Variants in DPYD observed in about 807,000 individuals in gnomAD.
DPYD encodes dihydropyrimidine dehydrogenase.
DPYD carries 109 observed loss-of-function variants against 116.2 expected under a neutral mutation model. That is an observed-to-expected ratio of 0.94 (90% CI 0.80 to 1.10). The LOEUF (loss-of-function observed/expected upper bound fraction) is 1.10, where lower values mean the gene tolerates loss of function less well. Among genes scored for constraint, DPYD ranks in the 50% least tolerant of loss-of-function variants. The pLI is 0.00. For missense variants in DPYD, 1,302 were observed against 1,254.5 expected, an observed-to-expected ratio of 1.04 and a Z score of -0.57; for synonymous variants, 440 against 432.0, an observed-to-expected ratio of 1.02 and a Z score of -0.23.
intron 13 of DPYD, among the ~76,000 whole-genome samples, chr1:97,477,163 A>G (rs1391429834): frequency 1.3e-5 from 2 of 152,230 alleles, no homozygotes; most frequent in African/African-American, 4.8e-5. Context: ...GTAACATGCA[A>G]TGCTATTTGG....
At chr1:97,861,796 C>A (rs538857290) in intron 2 of DPYD, among the ~76,000 whole-genome samples, 13 of 151,918 alleles carry the variant, frequency 8.6e-5, no homozygotes, top group Admixed American at 1.3e-4. Context: ...GGAGACAATG[C>A]GGAAAGGGAT....
intron 18 of DPYD, among the ~76,000 whole-genome samples, chr1:97,248,202 C>T (rs190703932): frequency 6.6e-6 from 1 of 152,210 alleles, no homozygotes; most frequent in Non-Finnish European, 1.5e-5. Context: ...GGCTGTGTCC[C>T]CACCCAAATC....
intron 8 of DPYD, among the ~76,000 whole-genome samples, chr1:97,651,701 T>C (rs1451529220): frequency 2.0e-5 from 3 of 152,158 alleles, no homozygotes; most frequent in African/African-American, 7.2e-5. Context: ...TATTATATTT[T>C]CTGAATTCAA....
intron 7 of DPYD, among the ~76,000 whole-genome samples, chr1:97,687,009 G>A (rs911082919): frequency 6.6e-6 from 1 of 152,146 alleles, no homozygotes; most frequent in Non-Finnish European, 1.5e-5. Context: ...GGTGGCTCAT[G>A]TCTGTAATCC....
intron 1 of DPYD, among the ~76,000 whole-genome samples, chr1:97,909,460 A>G (rs898665638): frequency 6.6e-6 from 1 of 152,088 alleles, no homozygotes; most frequent in Non-Finnish European, 1.5e-5. Flanking sequence ...TCCCCTTTAC[A>G]GGAAAACTTT....
At chr1:97,677,730 G>GAC (rs940689720) in intron 8 of DPYD, among the ~76,000 whole-genome samples, 1 of 152,106 alleles carries the variant, frequency 6.6e-6, no homozygotes, top group African/African-American at 2.4e-5. Flanking sequence ...GGAGCTAGAA[G>GAC]ACAGTGTAAA....
At chr1:97,131,767 CCAA>C in intron 20 of DPYD, among the ~76,000 whole-genome samples, 3 of 151,994 alleles carry the variant, frequency 2.0e-5, no homozygotes, top group African/African-American at 7.2e-5. Flanking sequence ...GTGCAATACG[CCAA>C]GGCATCCAGG....
intron 20 of DPYD, among the ~76,000 whole-genome samples, chr1:97,171,690 A>G (rs1327598567): frequency 1.3e-5 from 2 of 152,214 alleles, no homozygotes; most frequent in African/African-American, 2.4e-5. Context: ...AAAGCCCTCA[A>G]AATGTTAAAT....
intron 2 of DPYD, among the ~76,000 whole-genome samples, chr1:97,864,874 C>T (rs1671294980): frequency 6.6e-6 from 1 of 151,828 alleles, no homozygotes; most frequent in African/African-American, 2.4e-5. Context: ...GATATGAGAG[C>T]CTGGCATTTC....
chr1:97,582,762 A>G (rs1366883668), intron 10 of DPYD, among the ~76,000 whole-genome samples: 1 of 152,202 alleles, frequency 6.6e-6, no homozygotes, highest in East Asian at 1.9e-4. Flanking sequence ...TCTTGAACAT[A>G]AAGAAACATT....
chr1:97,242,035 G>T (rs760018746), intron 18 of DPYD, among the ~76,000 whole-genome samples: 2 of 146,912 alleles, frequency 1.4e-5, no homozygotes, highest in Non-Finnish European at 3.0e-5. Flanking sequence ...AATATTCATA[G>T]CTTGAGTCTA....
At chr1:97,803,009 T>A (rs890698006) in intron 3 of DPYD, among the ~76,000 whole-genome samples, 1 of 151,916 alleles carries the variant, frequency 6.6e-6, no homozygotes, top group Admixed American at 6.6e-5. Flanking sequence ...AACATAAAAG[T>A]TTATTAATCT....
At chr1:97,853,542 G>T (rs1670669785) in intron 2 of DPYD, among the ~76,000 whole-genome samples, 1 of 152,160 alleles carries the variant, frequency 6.6e-6, no homozygotes, top group Non-Finnish European at 1.5e-5. Flanking sequence ...ATGTGGCCTA[G>T]AGTCTATAAC....
chr1:97,651,700 T>G (rs1206590810), intron 8 of DPYD, among the ~76,000 whole-genome samples: 4 of 152,144 alleles, frequency 2.6e-5, no homozygotes, highest in Non-Finnish European at 4.4e-5. Flanking sequence ...GTATTATATT[T>G]TCTGAATTCA....
At chr1:97,114,830 T>C (rs147831000) in intron 20 of DPYD, among the ~76,000 whole-genome samples, 216 of 152,286 alleles carry the variant, frequency 1.4e-3, no homozygotes, top group African/African-American at 5.0e-3. Flanking sequence ...TGAAACTGTA[T>C]ATGTGAATAC....
At chr1:97,395,948 C>T (rs12411169) in intron 14 of DPYD, among the ~76,000 whole-genome samples, 1 of 151,844 alleles carries the variant, frequency 6.6e-6, no homozygotes, top group Non-Finnish European at 1.5e-5. Context: ...CCACAGATGG[C>T]ATAAGACCAA....
intron 3 of DPYD, among the ~76,000 whole-genome samples, chr1:97,809,735 G>T (rs1418150460): frequency 6.6e-6 from 1 of 152,140 alleles, no homozygotes; most frequent in African/African-American, 2.4e-5. Context: ...GTAGGTGACT[G>T]GGTTAAGGTG....
intron 14 of DPYD, among the ~76,000 whole-genome samples, chr1:97,386,282 A>T (rs201931285): frequency 3.4e-5 from 1 of 29,454 alleles, no homozygotes; most frequent in Admixed American, 7.1e-4. Context: ...GAAAGTTAAA[A>T]CTTTTTTTTT....
chr1:97,711,663 A>G (rs1662292242), intron 5 of DPYD, among the ~76,000 whole-genome samples: 2 of 152,006 alleles, frequency 1.3e-5, no homozygotes, highest in South Asian at 4.1e-4. Flanking sequence ...CAATCCAATA[A>G]ACTTTATACA....
Sources: allele counts gnomAD v4.1 joint callset (sites outside exome capture counted in the v4.1 genomes callset), GRCh38; gene constraint gnomAD v4.1.1; transcripts MANE v1.5; gene names NCBI Gene and HGNC (gene_info 2026-07-23, HGNC 2026-07-21).